Variants in RAB33A observed in about 807,000 individuals in gnomAD.
RAB33A encodes ras-related protein Rab-33A.
RAB33A carries 6 observed loss-of-function variants against 12.0 expected under a neutral mutation model. The ratio of observed to expected loss-of-function variants is 0.50; its 90% confidence interval spans 0.27 to 0.99. RAB33A has a LOEUF of 0.99. Among genes scored for constraint, RAB33A ranks in the 50% least tolerant of loss-of-function variants. The pLI, the probability that RAB33A is intolerant of heterozygous loss-of-function variation, is 0.11. For synonymous variants in RAB33A, 70 were observed against 82.4 expected (o/e 0.85, Z 0.81); for missense variants, 109 against 192.0 (o/e 0.57, Z 2.55).
intron 1 of RAB33A, among the ~76,000 whole-genome samples, chrX:130,179,670 A>T (rs1331130111): frequency 9.7e-6 from 1 of 103,032 alleles, no homozygotes; most frequent in Non-Finnish European, 2.0e-5. Flanking sequence ...GTCTTTGAGG[A>T]CTTATGTTTT....
chrX:130,139,666 A>G, the RAB33A span: 4 of 602,373 alleles, frequency 6.6e-6, no homozygotes, highest in East Asian at 3.3e-5. Context: ...TCAAGGCCAG[A>G]TAACAAGTCT....
the RAB33A span, among the ~76,000 whole-genome samples, chrX:130,116,142 G>A: frequency 6.7e-5 from 3 of 44,471 alleles, no homozygotes; most frequent in Non-Finnish European, 1.1e-4. Context: ...TTTTGCTCTT[G>A]TTGCCCAGGC....
chrX:130,141,891 T>C, the RAB33A span, among the ~76,000 whole-genome samples: 10 of 112,236 alleles, frequency 8.9e-5, no homozygotes, highest in Admixed American at 5.7e-4. Context: ...CTCTGTTTAT[T>C]TGACTAGCTG....
the RAB33A span, among the ~76,000 whole-genome samples, chrX:130,119,713 C>A: frequency 0.027 from 2,968 of 111,762 alleles, 46 homozygotes; most frequent in Middle Eastern, 0.05. Context: ...CACAGTGAGA[C>A]CTGGGAACGT....
chrX:130,123,156 A>G, the RAB33A span, among the ~76,000 whole-genome samples: 1 of 111,737 alleles, frequency 8.9e-6, no homozygotes, highest in Non-Finnish European at 1.9e-5. Flanking sequence ...GCAAACACTG[A>G]AAGACTGTTG....
the RAB33A span, among the ~76,000 whole-genome samples, chrX:130,157,729 G>T: frequency 9.1e-6 from 1 of 110,493 alleles, no homozygotes; most frequent in African/African-American, 3.3e-5. Flanking sequence ...CACTTTGGGA[G>T]GCCTAGGTGG....
the RAB33A span, among the ~76,000 whole-genome samples, chrX:130,163,388 A>T: frequency 9.0e-6 from 1 of 111,685 alleles, no homozygotes; most frequent in Non-Finnish European, 1.9e-5. Context: ...CCACCTGTGC[A>T]AAAACACACG....
the RAB33A span, chrX:130,130,078 G>A: frequency 7.4e-6 from 9 of 1,211,756 alleles, no homozygotes; most frequent in African/African-American, 3.5e-5. Flanking sequence ...CCCCCTGGAC[G>A]GGAGCCTGTG....
intron 1 of RAB33A, among the ~76,000 whole-genome samples, chrX:130,174,996 C>CAATAAT (rs112030850): frequency 9.1e-6 from 1 of 110,283 alleles, no homozygotes; most frequent in Non-Finnish European, 1.9e-5. Flanking sequence ...AATGAGTAGG[C>CAATAAT]AATAATAATA....
chrX:130,182,530 G>A (rs764246557), intron 1 of RAB33A, among the ~76,000 whole-genome samples: 22 of 110,250 alleles, frequency 2.0e-4, no homozygotes, highest in African/African-American at 6.6e-4. Context: ...CGAGGCAGGC[G>A]GATCACCTGA....
the RAB33A span, among the ~76,000 whole-genome samples, chrX:130,130,949 T>C: frequency 8.9e-6 from 1 of 112,415 alleles, no homozygotes; most frequent in Non-Finnish European, 1.9e-5. Flanking sequence ...TGGAATACAT[T>C]AGAATTACAC....
At chrX:130,180,638 G>C (rs1011054201) in intron 1 of RAB33A, among the ~76,000 whole-genome samples, 1 of 104,775 alleles carries the variant, frequency 9.5e-6, no homozygotes, top group Non-Finnish European at 2.0e-5. Context: ...TATATTTTTT[G>C]GTAGAGACGG....
chrX:130,121,592 C>G, the RAB33A span, among the ~76,000 whole-genome samples: 1 of 112,451 alleles, frequency 8.9e-6, no homozygotes, highest in East Asian at 2.8e-4. Context: ...GCTCTGGGCT[C>G]CCCGGGAAGG....
chrX:130,180,181 T>C (rs1476880722), intron 1 of RAB33A, among the ~76,000 whole-genome samples: 1 of 111,689 alleles, frequency 9.0e-6, no homozygotes, highest in Admixed American at 9.5e-5. Flanking sequence ...GGTCAAATTA[T>C]GGCAGACAGA....
the RAB33A span, among the ~76,000 whole-genome samples, chrX:130,159,601 A>C: frequency 2.7e-5 from 3 of 110,675 alleles, no homozygotes; most frequent in East Asian, 8.4e-4. Context: ...ACTAAAAATA[A>C]ATTTTTTTTG....
the RAB33A span, among the ~76,000 whole-genome samples, chrX:130,126,409 T>C: frequency 9.1e-6 from 1 of 109,833 alleles, no homozygotes; most frequent in Non-Finnish European, 1.9e-5. Flanking sequence ...GGAGAATCGC[T>C]TGAACCCAGG....
intron 1 of RAB33A, among the ~76,000 whole-genome samples, chrX:130,174,888 G>C (rs1197362716): frequency 9.0e-6 from 1 of 110,637 alleles, no homozygotes. Flanking sequence ...AGCCCCATTT[G>C]CTGTCTCCAA....
At chrX:130,179,976 G>C (rs1477781511) in intron 1 of RAB33A, among the ~76,000 whole-genome samples, 1 of 109,223 alleles carries the variant, frequency 9.2e-6, no homozygotes, top group African/African-American at 3.3e-5. Flanking sequence ...TAAGAAAAGA[G>C]AATTGAAGGG....
chrX:130,141,116 A>AAAAAC, the RAB33A span, among the ~76,000 whole-genome samples: 4 of 112,154 alleles, frequency 3.6e-5, no homozygotes, highest in Non-Finnish European at 5.6e-5. Context: ...ATTCTGTCTC[A>AAAAAC]AAAACAAAAC....
Sources: gnomAD v4.1 joint callset for allele counts (sites outside exome capture counted in the v4.1 genomes callset) on GRCh38, gnomAD v4.1.1 for gene constraint, MANE v1.5 for transcripts, NCBI Gene and HGNC (gene_info 2026-07-23, HGNC 2026-07-21) for gene names.